The following PTPN21 variants were observed in gnomAD, a reference collection of about 807,000 sequenced individuals.
PTPN21 encodes the protein protein tyrosine phosphatase non-receptor type 21, also known as tyrosine-protein phosphatase non-receptor type 21.
Under a neutral mutation model 131.8 loss-of-function variants are expected in PTPN21, and 77 were observed. The ratio of observed to expected loss-of-function variants is 0.58; its 90% CI spans 0.49 to 0.71. The LOEUF (loss-of-function observed/expected upper bound fraction) is 0.71, where lower values mean the gene tolerates loss of function less well. Ranked by LOEUF, PTPN21 falls within the 30% of genes least tolerant of loss-of-function variation. The probability of loss-of-function intolerance (pLI) is 0.00; values close to 1 mark genes in which losing one functional copy is unlikely to be tolerated. For missense variants in PTPN21, 1,552 were observed against 1,527.1 expected, an observed-to-expected ratio of 1.02 and a Z score of -0.27; for synonymous variants, 715 against 621.3, an observed-to-expected ratio of 1.15 and a Z score of -2.24.
At position 88,479,296 on chromosome 14, in the gene PTPN21, T is replaced by C; in HGVS notation, c.2135A>G (p.Glu712Gly). Residue 712 changes from glutamate to glycine, a missense_variant, in exon 13 of 19, where the codon GAG becomes GGG. Transcript: ENST00000556564. ...SDATMLIHSS[E>G]EEEDEDFEEE... The stretch of plus-strand genomic sequence containing the variant: ...CTCGAAGTCCTCGTCCTCCTCCTCC[T>C]CGCTGCTGTGGATTAGCATGGTGGC... The C allele has an allele frequency of 6.2e-7, 1 of 1,613,306 alleles. No individual in the cohort carries two copies. Among genetic ancestry groups the C allele is most frequent in the Non-Finnish European group, 8.5e-7 (1 of 1,179,542 alleles).
At chr14:88,548,542 T>C (rs1357811770) in intron 2 of PTPN21, among the ~76,000 whole-genome samples, 2 of 152,192 alleles carry the variant, frequency 1.3e-5, no homozygotes, top group African/African-American at 2.4e-5. Context: ...ACTTCCCTTA[T>C]CACAGCATGC....
At chr14:88,552,531 G>A (rs1370499512) in intron 1 of PTPN21, 1 of 152,008 alleles carries the variant, frequency 6.6e-6, no homozygotes, top group Non-Finnish European at 1.5e-5. Flanking sequence ...TTTTTTGTTT[G>A]TTTTGAGCTC....
At chr14:88,470,073 A>C (rs569053458) in intron 15 of PTPN21, 23 bp from the exon 16 acceptor site, 1 of 1,607,692 alleles carries the variant, frequency 6.2e-7, no homozygotes, top group Non-Finnish European at 8.5e-7. Context: ...AAGGTTAAAA[A>C]AATTGATGTG....
intron 2 of PTPN21, among the ~76,000 whole-genome samples, chr14:88,547,818 C>A (rs1030751153): frequency 3.9e-5 from 6 of 152,140 alleles, no homozygotes; most frequent in Admixed American, 2.0e-4. Flanking sequence ...CCCTGGAGAG[C>A]CTCATACCAT....
rs1422216586 is a variant in PTPN21, at chr14:88,469,823, C to A, written c.3001-90G>T. The A allele has an allele frequency of 6.2e-7, 1 of 1,601,406 alleles. No homozygotes were observed. On this transcript the variant is annotated intron_variant, in intron 16 of 18. Coordinates refer to ENST00000556564, the MANE Select transcript of PTPN21 (RefSeq NM_007039.4). The surrounding 1 kb of genome is among the most constrained non-coding windows in gnomAD (Gnocchi z 4.3). ...GGCACATCTGAAACAGAACCACAACCCTACCCTGCCTTTTTCTCCACAGGT... is the reference window on the plus strand; with the variant it reads ...GGCACATCTGAAACAGAACCACAACACTACCCTGCCTTTTTCTCCACAGGT...
chr14:88,528,278 G>A (rs1310853800), intron 2 of PTPN21, among the ~76,000 whole-genome samples: 3 of 152,180 alleles, frequency 2.0e-5, no homozygotes, highest in African/African-American at 7.2e-5. Context: ...ACCCATCCCT[G>A]AGCATGGGAT....
At chr14:88,529,930 CA>C (rs2078531043) in intron 2 of PTPN21, among the ~76,000 whole-genome samples, 4 of 150,232 alleles carry the variant, frequency 2.7e-5, no homozygotes, top group African/African-American at 9.8e-5. Flanking sequence ...AGCAGTGAGC[CA>C]AAATCACACC....
At chr14:88,494,874 G>A (rs111726096) in intron 10 of PTPN21, among the ~76,000 whole-genome samples, 5,582 of 151,526 alleles carry the variant, frequency 0.037, 348 homozygotes, top group African/African-American at 0.13. Context: ...TTAGCTGGGC[G>A]TGGTGGCATG....
chr14:88,525,943 G>A (rs2078468098), intron 2 of PTPN21, among the ~76,000 whole-genome samples: 1 of 152,174 alleles, frequency 6.6e-6, no homozygotes, highest in Non-Finnish European at 1.5e-5. Context: ...AAAGCAGCCA[G>A]AAGACAAAAG....
chr14:88,528,055 G>A (rs1566845417), intron 2 of PTPN21, among the ~76,000 whole-genome samples: 1 of 152,114 alleles, frequency 6.6e-6, no homozygotes, highest in African/African-American at 2.4e-5. Context: ...CTATAGGCTT[G>A]TAGTCCAGTT....
intron 2 of PTPN21, among the ~76,000 whole-genome samples, chr14:88,518,384 GTGTATATATATATATA>G (rs1377447987): frequency 7.5e-5 from 1 of 13,328 alleles, no homozygotes; most frequent in Non-Finnish European, 1.6e-4. Flanking sequence ...ATGTGTGTGT[GTGTATATATATATATA>G]TATATATATA....
chr14:88,547,347 A>G (rs1293791984), intron 2 of PTPN21, among the ~76,000 whole-genome samples: 1 of 112,014 alleles, frequency 8.9e-6, no homozygotes, highest in Non-Finnish European at 2.0e-5. Flanking sequence ...TAAATAAATA[A>G]ATAGAATATA....
At chr14:88,542,303 G>T (rs1451488123) in intron 2 of PTPN21, among the ~76,000 whole-genome samples, 1 of 152,168 alleles carries the variant, frequency 6.6e-6, no homozygotes, top group Admixed American at 6.5e-5. Context: ...TAGAAGGAAT[G>T]GAATCTGATT....
At chr14:88,484,421 A>C (rs1437886120) in intron 12 of PTPN21, among the ~76,000 whole-genome samples, 1 of 152,136 alleles carries the variant, frequency 6.6e-6, no homozygotes, top group East Asian at 1.9e-4. Flanking sequence ...TATACTTCTC[A>C]TGTGAAAACT....
At chr14:88,530,821 T>C (rs545782946) in intron 2 of PTPN21, among the ~76,000 whole-genome samples, 2 of 152,050 alleles carry the variant, frequency 1.3e-5, no homozygotes, top group East Asian at 1.9e-4. Flanking sequence ...ATGAGATAGA[T>C]GGCAACACAG....
At chr14:88,540,438 G>C (rs974686259) in intron 2 of PTPN21, among the ~76,000 whole-genome samples, 9 of 152,170 alleles carry the variant, frequency 5.9e-5, no homozygotes, top group African/African-American at 2.2e-4. Context: ...AAATCCCAGG[G>C]AAGTTGGTTT....
At chr14:88,523,341 C>T (rs2078426057) in intron 2 of PTPN21, among the ~76,000 whole-genome samples, 1 of 151,906 alleles carries the variant, frequency 6.6e-6, no homozygotes, top group African/African-American at 2.4e-5. Context: ...AAAAAAAACA[C>T]ACATGATCAT....
chr14:88,505,497 G>A, intron 4 of PTPN21, 126 bp from the exon 5 acceptor site: 2 of 564,852 alleles, frequency 3.5e-6, no homozygotes, highest in South Asian at 3.3e-5. Context: ...ATTTGTTATA[G>A]CTATATAAAG....
chr14:88,554,879 T>G lies in PTPN21; in HGVS notation c.-431A>C. On this transcript the variant is annotated 5_prime_UTR_variant, in exon 1 of 19. Coordinates refer to ENST00000556564, the MANE Select transcript of PTPN21 (RefSeq NM_007039.4). ...GACGGCGAGGGGCGAGGCCTGGAGGTGGGACCGGCCGGCGAGGAGCGCCGC... is the reference window on the plus strand; with the variant it reads ...GACGGCGAGGGGCGAGGCCTGGAGGGGGGACCGGCCGGCGAGGAGCGCCGC... The G allele has an allele frequency of 6.6e-6, 1 of 151,664 alleles. No homozygotes were observed. The highest frequency in any genetic ancestry group is 6.6e-5 in the Admixed American group (1 of 15,168). 9.4% of individuals were successfully genotyped at this position (151,664 alleles called of 1,614,324 possible). A position where few individuals can be genotyped will look rare whatever the true frequency, so the allele number is the denominator to read the frequency against.
Sources: gnomAD v4.1 joint callset for allele counts (sites outside exome capture counted in the v4.1 genomes callset) on GRCh38, gnomAD v4.1.1 for gene constraint, Gnocchi (gnomAD v3.1) non-coding constraint, MANE v1.5 for transcripts, NCBI Gene and HGNC (gene_info 2026-07-23, HGNC 2026-07-21) for gene names.